The following GCFC2 variants were observed in gnomAD, a reference collection of about 807,000 sequenced individuals.
The protein encoded by GCFC2 is GC-rich sequence DNA-binding factor 2.
Under a neutral mutation model 99.4 loss-of-function variants are expected in GCFC2, and 102 were observed. The ratio of observed to expected loss-of-function variants is 1.03; its 90% confidence interval spans 0.87 to 1.21. The LOEUF is 1.21. Among genes scored for constraint, GCFC2 ranks in the 50% most tolerant of loss-of-function variants. The pLI is 0.00. For synonymous variants in GCFC2, 338 were observed against 316.8 expected (o/e 1.07, Z -0.71); for missense variants, 973 against 920.9 (o/e 1.06, Z -0.73).
intron 2 of GCFC2, among the ~76,000 whole-genome samples, chr2:75,706,058 T>C (rs1324520096): frequency 6.6e-6 from 1 of 152,262 alleles, no homozygotes; most frequent in African/African-American, 2.4e-5. Context: ...AAATTTTCAG[T>C]GGTTCCCTAA....
intron 14 of GCFC2, 41 bp from the exon 15 acceptor site, chr2:75,670,325 A>G (rs763078319): frequency 1.1e-4 from 153 of 1,374,964 alleles, no homozygotes; most frequent in Non-Finnish European, 1.2e-4. Context: ...TTTTCTCCAA[A>G]GAGAAACTGT....
At position 75,701,925 on chromosome 2, in the gene GCFC2, G is replaced by T. The variant is rs536394906; in HGVS notation, c.619+274C>A. 229 of 1,178,926 alleles carry T rather than the reference G, an allele frequency of 1.9e-4. No homozygotes were observed. The African/African-American group carries it at 3.4e-3, about 17-fold the overall frequency. The allele number at this position is 1,178,926 out of a possible 1,614,324, so 73.0% of individuals were successfully genotyped here. ...TAAAAACGATCGTTTTCAATGCTTT[G>T]AAAGTAAGATACTGCACATTTTTTT... On this transcript the variant is annotated intron_variant, in intron 3 of 16. Coordinates refer to ENST00000321027, the MANE Select transcript of GCFC2 (RefSeq NM_003203.5).
Position 75,663,464 on chromosome 2 carries a change from TA to T in GCFC2, c.*1201del, listed in dbSNP as rs1678700370. On this transcript the variant is annotated 3_prime_UTR_variant, in exon 17 of 17. Transcript: ENST00000321027. ...AAATGAATCACATGTTGTGAGTATTTAAAATATCTGTTTCCTTCTTAGTCCT... is the reference window on the plus strand; with the variant it reads ...AAATGAATCACATGTTGTGAGTATTTAAATATCTGTTTCCTTCTTAGTCCT... The T allele has an allele frequency of 6.6e-6, 1 of 152,206 alleles. No homozygotes were observed. The highest frequency in any genetic ancestry group is 2.4e-5 in the African/African-American group (1 of 41,446). 9.4% of individuals were successfully genotyped at this position (152,206 alleles called of 1,614,324 possible).
At position 75,694,410 on chromosome 2, in the gene GCFC2, T is replaced by C; in HGVS notation, c.851A>G (p.Glu284Gly). 7.1e-7 allele frequency: 1 copy of C among 1,400,990 alleles called. No homozygotes were observed. Among genetic ancestry groups the C allele is most frequent in the Non-Finnish European group, 9.5e-7 (1 of 1,050,200 alleles). The allele number at this position is 1,400,990 out of a possible 1,614,324, so 86.8% of individuals were successfully genotyped here. ...QLNTRLTLLQ[E>G]THRSHLREYE... ...CTCCCTCAGGTGTGAGCGGTGAGTTTCCTGTAGTAATGTTAATCTAAATAA... is the reference window on the plus strand; with the variant it reads ...CTCCCTCAGGTGTGAGCGGTGAGTTCCCTGTAGTAATGTTAATCTAAATAA... Residue 284 changes from glutamate (E) to glycine (G), a missense_variant, in exon 6 of 17, where the codon GAA becomes GGA. Transcript: ENST00000321027.
intron 1 of GCFC2, among the ~76,000 whole-genome samples, chr2:75,708,066 A>C (rs1036041886): frequency 2.0e-5 from 3 of 152,206 alleles, no homozygotes; most frequent in Non-Finnish European, 4.4e-5. Flanking sequence ...ACTGAGTTGC[A>C]AGCTGAACTA....
chr2:75,707,531 AAGGCTGG>A (rs1369220924), intron 1 of GCFC2, among the ~76,000 whole-genome samples: 1 of 150,090 alleles, frequency 6.7e-6, no homozygotes, highest in African/African-American at 2.5e-5. Flanking sequence ...CAGTTCAAAA[AAGGCTGG>A]AGTAAAATCA....
At chr2:75,673,637 A>T (rs1163311538) in intron 12 of GCFC2, 117 bp from the exon 13 acceptor site, 5 of 625,114 alleles carry the variant, frequency 8.0e-6, no homozygotes, top group Non-Finnish European at 1.4e-5. Flanking sequence ...AGCTGTTAAA[A>T]TAACTATCAA....
chr2:75,708,751 C>T (rs1200464489), intron 1 of GCFC2, among the ~76,000 whole-genome samples: 1 of 151,942 alleles, frequency 6.6e-6, no homozygotes, highest in South Asian at 2.1e-4. Flanking sequence ...TCTCTTGATA[C>T]ACCTGCCTCG....
Position 75,690,683 on chromosome 2 carries a change from A to C in GCFC2, c.1181T>G (p.Val394Gly). The part of the protein sequence containing the change: ...DETSTSGNFS[V>G]DEKTQWILEE... ...TAAAATCCACTGAGTTTTTTCATCT[A>C]CTGAGAAGTTTCCACTTGTGGATGT... The change falls in exon 8 of 17, where the codon GTA becomes GGA. Residue 394 changes from valine (V) to glycine (G), a missense_variant. Physicochemically the swap from Val to Gly is moderately radical, Grantham distance 109. Transcript: ENST00000321027. 6.4e-7 allele frequency: 1 copy of C among 1,569,084 alleles called. No homozygotes were observed. The highest frequency in any genetic ancestry group is 8.8e-7 in the Non-Finnish European group (1 of 1,142,844).
intron 11 of GCFC2, among the ~76,000 whole-genome samples, chr2:75,683,771 C>CAAAAAAAAAAAA (rs749580096): frequency 9.9e-5 from 6 of 60,420 alleles, no homozygotes; most frequent in South Asian, 6.7e-4. Flanking sequence ...AAATGGAAAG[C>CAAAAAAAAAAAA]AAAAAAAAAA....
At chr2:75,711,083 G>A (rs1236282537), upstream of GCFC2, 3 of 1,303,010 alleles carry the variant, frequency 2.3e-6, no homozygotes, top group Non-Finnish European at 2.9e-6. Flanking sequence ...CATTCCCTTT[G>A]CCAGGTTAGG....
chr2:75,690,714 C>A lies in GCFC2; in HGVS notation c.1150G>T (p.Asp384Tyr), dbSNP rs756021130. The change falls in exon 8 of 17, where the codon GAT (aspartate) becomes TAT (tyrosine). Residue 384 changes from aspartate (D) to tyrosine (Y), a missense_variant. Physicochemically the swap from Asp to Tyr is radical, Grantham distance 160 (BLOSUM62 -3). Transcript: ENST00000321027. The stretch of plus-strand genomic sequence containing the variant: ...AAGTTTCCACTTGTGGATGTCTCAT[C>A]TTTGCCTGTTAATAAATAAAATTGA... ...STYLQQLSRK[D>Y]ETSTSGNFSV... 4 of 1,504,208 alleles carry A rather than the reference C, an allele frequency of 2.7e-6. No individual in the cohort carries two copies. The highest frequency in any genetic ancestry group is 3.7e-6 in the Non-Finnish European group (4 of 1,092,836). 93.2% of individuals were successfully genotyped at this position (1,504,208 alleles called of 1,614,324 possible).
At position 75,663,961 on chromosome 2, in the gene GCFC2, C is replaced by G. The variant is rs1326986243; in HGVS notation, c.*705G>C. On this transcript the variant is annotated 3_prime_UTR_variant, in exon 17 of 17. Coordinates refer to ENST00000321027, the MANE Select transcript of GCFC2 (RefSeq NM_003203.5). The stretch of plus-strand genomic sequence containing the variant: ...TCAATATCTTTAAAAATATAAAGGT[C>G]TTAAAGTCCATAAGAAAAAGATGGA... 6.6e-6 allele frequency: 1 copy of G among 152,010 alleles called. No homozygotes were observed. The highest frequency in any genetic ancestry group is 1.5e-5 in the Non-Finnish European group (1 of 67,996). 9.4% of individuals were successfully genotyped at this position (152,010 alleles called of 1,614,324 possible).
At chr2:75,690,576 T>C (rs1680021020) in intron 8 of GCFC2, 62 bp downstream of exon 8, 1 of 787,664 alleles carries the variant, frequency 1.3e-6, no homozygotes, top group African/African-American at 1.7e-5. Context: ...TTAATTATAT[T>C]TCAGTAGTGA....
Position 75,670,221 on chromosome 2 carries a change from G to A in GCFC2, c.2020C>T (p.Leu674=), listed in dbSNP as rs140229675. Residue 674 remains leucine (L), a synonymous_variant, in exon 15 of 17, where the codon CTA becomes TTA. Transcript: ENST00000321027. The part of the protein sequence containing the change: ...LTDDTLQELG[L]GKLLNRYLII... ...AGGTAACGATTTAGCAGCTTCCCTAGTCCTAGTTCTTGCAAGGTGTCATCT... is the reference window on the plus strand; with the variant it reads ...AGGTAACGATTTAGCAGCTTCCCTAATCCTAGTTCTTGCAAGGTGTCATCT... 9.3e-4 allele frequency: 1,499 copies of A among 1,605,998 alleles called. 8 individuals carry two copies. In the Middle Eastern group the frequency reaches 0.023, roughly 24 times the overall value.
intron 10 of GCFC2, 63 bp from the exon 11 acceptor site, chr2:75,688,040 T>G: frequency 9.9e-7 from 1 of 1,010,946 alleles, no homozygotes; most frequent in Non-Finnish European, 1.4e-6. Flanking sequence ...TTTTAAATAG[T>G]TATTATTTTT....
At chr2:75,689,814 G>C (rs1289287848) in intron 9 of GCFC2, among the ~76,000 whole-genome samples, 155 bp downstream of exon 9, 1 of 152,038 alleles carries the variant, frequency 6.6e-6, no homozygotes. Flanking sequence ...TTTTTTCAGA[G>C]AAAAGAGTCT....
chr2:75,695,522 C>T (rs576034477), intron 5 of GCFC2, among the ~76,000 whole-genome samples: 32 of 152,014 alleles, frequency 2.1e-4, no homozygotes, highest in Middle Eastern at 6.8e-3. Flanking sequence ...ATTTTAACCA[C>T]GTAAAATATG....
intron 11 of GCFC2, among the ~76,000 whole-genome samples, chr2:75,686,348 G>A (rs760224776): frequency 4.6e-5 from 7 of 152,148 alleles, no homozygotes; most frequent in African/African-American, 1.2e-4. Flanking sequence ...CGATCCTTCT[G>A]CCTCGGCCTT....
Sources: gnomAD v4.1 joint callset for allele counts (sites outside exome capture counted in the v4.1 genomes callset) on GRCh38, gnomAD v4.1.1 for gene constraint, MANE v1.5 for transcripts, NCBI Gene and HGNC (gene_info 2026-07-23, HGNC 2026-07-21) for gene names.